The following ACSS2 variants were observed in gnomAD, a reference collection of about 807,000 sequenced individuals.
ACSS2 encodes acyl-CoA synthetase short chain family member 2.
A neutral mutation model predicts 90.6 loss-of-function variants in ACSS2; 58 were observed. The ratio of observed to expected loss-of-function variants is 0.64; its 90% CI spans 0.52 to 0.80. The LOEUF (loss-of-function observed/expected upper bound fraction) is 0.80, where lower values mean the gene tolerates loss of function less well. ACSS2 is among the 30% of genes least tolerant of loss of function. The pLI is 0.00. For missense variants in ACSS2, 759 were observed against 912.0 expected (o/e 0.83, Z 2.16); for synonymous variants, 300 against 330.9 (o/e 0.91, Z 1.01).
At chr20:34,877,282 C>A (rs1044472606) in intron 1 of ACSS2, among the ~76,000 whole-genome samples, 3 of 152,134 alleles carry the variant, frequency 2.0e-5, no homozygotes, top group Middle Eastern at 3.2e-3. Context: ...TCCTGAGACC[C>A]TTAACCTGTG....
At position 34,925,615 on chromosome 20, in the gene ACSS2, G is replaced by A. The variant is rs981344168; in HGVS notation, c.1658-83G>A. On this transcript the variant is annotated intron_variant, in intron 14 of 17. Transcript: ENST00000360596. ...CAGGAAGACTTGTTAGAAGGCTATTGCAGAAGGTGTAGCAGTTTGGTAATG... is the reference window on the plus strand; with the variant it reads ...CAGGAAGACTTGTTAGAAGGCTATTACAGAAGGTGTAGCAGTTTGGTAATG... 8 of 1,440,058 alleles carry A rather than the reference G, an allele frequency of 5.6e-6. No individual in the cohort carries two copies. In the East Asian group the frequency reaches 2.0e-4, roughly 36 times the overall value. The allele number at this position is 1,440,058 out of a possible 1,614,324, so 89.2% of individuals were successfully genotyped here.
chr20:34,909,194 CAAAAAAA>C (rs759144830), intron 2 of ACSS2, among the ~76,000 whole-genome samples: 2 of 45,106 alleles, frequency 4.4e-5, no homozygotes, highest in East Asian at 1.4e-3. Flanking sequence ...CCTGTCTTTG[CAAAAAAA>C]AAAAAAAAAA....
chr20:34,912,981 C>A, intron 2 of ACSS2, 115 bp from the exon 3 acceptor site: 3 of 813,024 alleles, frequency 3.7e-6, no homozygotes, highest in South Asian at 2.9e-5. Flanking sequence ...ATAGCTCATC[C>A]TCATAGAACA....
At position 34,926,096 on chromosome 20, in the gene ACSS2, C is replaced by T. The variant is rs773214876; in HGVS notation, c.1727-9C>T. 1.9e-6 allele frequency: 3 copies of T among 1,614,102 alleles called. No individual in the cohort carries two copies. In the East Asian group the frequency reaches 6.7e-5, roughly 36 times the overall value. ...ATCTCTCTCATGGCACTTCCTTTCC[C>T]TTGACAAGGACACCTGCTGAGTACA... On this transcript the variant is annotated splice_polypyrimidine_tract_variant and intron_variant, in intron 15 of 17. Transcript: ENST00000360596.
intron 13 of ACSS2, 76 bp from the exon 14 acceptor site, chr20:34,923,247 C>A: frequency 1.8e-6 from 2 of 1,102,456 alleles, no homozygotes; most frequent in Non-Finnish European, 1.4e-6. Flanking sequence ...CTTTCCCCCA[C>A]ATTTAGAAAA....
chr20:34,916,133 T>G (rs747755378), intron 7 of ACSS2, among the ~76,000 whole-genome samples: 12 of 152,204 alleles, frequency 7.9e-5, no homozygotes, highest in Non-Finnish European at 1.3e-4. Flanking sequence ...CTCATTAGCA[T>G]GGCGGAGACA....
chr20:34,897,712 C>A (rs975119491), intron 2 of ACSS2, among the ~76,000 whole-genome samples: 4 of 151,936 alleles, frequency 2.6e-5, no homozygotes, highest in Admixed American at 1.3e-4. Context: ...GCTTGTAATT[C>A]CAGGTACTTG....
intron 2 of ACSS2, among the ~76,000 whole-genome samples, chr20:34,885,963 C>T (rs953780188): frequency 6.6e-6 from 1 of 151,964 alleles, no homozygotes; most frequent in African/African-American, 2.4e-5. Flanking sequence ...ACCATATAGG[C>T]AATTACTATT....
intron 7 of ACSS2, among the ~76,000 whole-genome samples, chr20:34,917,122 C>T (rs954281805): frequency 6.6e-6 from 1 of 152,166 alleles, no homozygotes; most frequent in African/African-American, 2.4e-5. Context: ...TAAGAGTGCC[C>T]TCATTGCAGA....
chr20:34,921,661 G>T, intron 12 of ACSS2, 61 bp downstream of exon 12: 2 of 1,613,120 alleles, frequency 1.2e-6, no homozygotes, highest in Non-Finnish European at 1.7e-6. Flanking sequence ...GGGGCACTTG[G>T]CCTAGTTAGA....
intron 2 of ACSS2, among the ~76,000 whole-genome samples, chr20:34,909,510 A>G (rs980450179): frequency 6.6e-6 from 1 of 152,238 alleles, no homozygotes; most frequent in African/African-American, 2.4e-5. Flanking sequence ...TTGAATGCAT[A>G]TAATAATTAA....
chr20:34,884,133 T>A (rs2080134398), intron 2 of ACSS2, among the ~76,000 whole-genome samples: 1 of 152,112 alleles, frequency 6.6e-6, no homozygotes, highest in Non-Finnish European at 1.5e-5. Flanking sequence ...TTGTATTTAG[T>A]ATTTTTTGTA....
At chr20:34,915,287 C>A in intron 7 of ACSS2, 2 of 1,613,720 alleles carry the variant, frequency 1.2e-6, no homozygotes, top group Non-Finnish European at 1.7e-6. Flanking sequence ...GTGGGCACCG[C>A]TTCTCTGTTT....
At chr20:34,925,150 A>G (rs1349801372) in intron 14 of ACSS2, among the ~76,000 whole-genome samples, 1 of 152,220 alleles carries the variant, frequency 6.6e-6, no homozygotes, top group African/African-American at 2.4e-5. Flanking sequence ...ATTATCTCAC[A>G]CAGTTTCTGA....
rs148029079 is a variant in ACSS2 at position 34,896,077 on chromosome 20, C to T, written c.374+13088C>T. Among the ~76,000 whole-genome samples the T allele has an allele frequency of 1.2e-4, 18 of 152,288 alleles. No individual in the cohort carries two copies. In the East Asian group the frequency reaches 3.1e-3, roughly 26 times the overall value. The stretch of plus-strand genomic sequence containing the variant: ...ATTCACTTGTTATAGGTAAGGCCAG[C>T]ATGGGACACAGGATGGTAGGAACAA... On this transcript the variant is annotated intron_variant, in intron 2 of 17. Coordinates refer to ENST00000360596, the MANE Select transcript of ACSS2 (RefSeq NM_018677.4).
Position 34,876,678 on chromosome 20 carries a change from C to G in ACSS2, c.33C>G (p.Gly11=). The change falls in exon 1 of 18, where the codon GGC becomes GGG. Residue 11 remains glycine, a synonymous_variant. Coordinates refer to ENST00000360596, the MANE Select transcript of ACSS2 (RefSeq NM_018677.4). MGLPEERVRS[G]SGSRGQEEAG... ...TTCCTGAGGAGCGGGTCCGGAGCGG[C>G]AGCGGGAGCCGGGGCCAGGAGGAAG... is the stretch of plus-strand genomic sequence containing the variant. 2 of 1,411,474 alleles carry G rather than the reference C, an allele frequency of 1.4e-6. No homozygotes were observed. The highest frequency in any genetic ancestry group is 2.5e-4 in the Middle Eastern group (1 of 3,940). The allele number at this position is 1,411,474 out of a possible 1,614,324, so 87.4% of individuals were successfully genotyped here.
intron 2 of ACSS2, among the ~76,000 whole-genome samples, chr20:34,910,679 C>A (rs147248070): frequency 6.6e-6 from 1 of 152,244 alleles, no homozygotes; most frequent in African/African-American, 2.4e-5. Flanking sequence ...AAAACCCAAA[C>A]TGTGGTTTGC....
rs780596088 is a variant in ACSS2 at position 34,925,784 on chromosome 20, C to T, written c.1726+18C>T. 18 of 1,609,310 alleles carry T rather than the reference C, an allele frequency of 1.1e-5. No homozygotes were observed. In the South Asian group the frequency reaches 1.9e-4, roughly 17 times the overall value. ...TGTATCTGGTGAGGGCCAGGGGCCA[C>T]CTTCCCATCTTATTAACTCTGCTCC... On this transcript the variant is annotated intron_variant, in intron 15 of 17. Transcript: ENST00000360596.
intron 2 of ACSS2, among the ~76,000 whole-genome samples, chr20:34,903,340 A>C (rs2080716077): frequency 1.2e-4 from 3 of 24,344 alleles, no homozygotes; most frequent in South Asian, 6.2e-3. Flanking sequence ...AGACTCTCTC[A>C]AAAAAAAAAA....
Sources: gnomAD v4.1 joint callset for allele counts (sites outside exome capture counted in the v4.1 genomes callset) on GRCh38, gnomAD v4.1.1 for gene constraint, MANE v1.5 for transcripts, NCBI Gene and HGNC (gene_info 2026-07-23, HGNC 2026-07-21) for gene names.